Variants in ZNF208 observed in about 807,000 individuals in gnomAD.
ZNF208 encodes zinc finger protein 208.
In ZNF208, 10 loss-of-function variants were observed where a neutral mutation model predicts 12.1. That is an observed-to-expected ratio of 0.83 (90% CI 0.51 to 1.40). The LOEUF (loss-of-function observed/expected upper bound fraction) is 1.40. Ranked by LOEUF, ZNF208 falls within the 40% of genes most tolerant of loss-of-function variation. ZNF208 has a pLI of 0.00. For missense variants in ZNF208, 1,652 were observed against 1,485.0 expected (o/e 1.11, Z -1.85); for synonymous variants, 497 against 488.4 (o/e 1.02, Z -0.23).
chr19:21,997,213 G>C (rs73930364), intron 1 of ZNF208, among the ~76,000 whole-genome samples: 4 of 152,180 alleles, frequency 2.6e-5, no homozygotes, highest in Admixed American at 2.0e-4. Context: ...GAAAGACAGT[G>C]ACCATAATTT....
rs191099790 is a variant in ZNF208 at position 21,958,287 on chromosome 19, C to T, written c.305+16442G>A. 3.1e-3 allele frequency among the ~76,000 whole-genome samples: 474 copies of T among 152,172 alleles called. 4 individuals carry two copies. The highest frequency in any genetic ancestry group is 0.011 in the African/African-American group (441 of 41,520). Reference sequence around the variant, plus strand: ...GTTTTGATGACATTTTAAACCTACCCGGCTTATTCCTGTAAGCCAACCAGC... The same window carrying T: ...GTTTTGATGACATTTTAAACCTACCTGGCTTATTCCTGTAAGCCAACCAGC... On this transcript the variant is annotated intron_variant, in intron 4 of 4. Transcript: ENST00000599916.
rs10419899 is a variant in ZNF208, at chr19:21,974,500, G to A, written c.534C>T (p.Tyr178=). The A allele has an allele frequency of 0.57, 917,294 of 1,613,348 alleles. 264,098 individuals carry two copies. The highest frequency in any genetic ancestry group is 0.67 in the East Asian group (30,216 of 44,846). Residue 178 remains tyrosine, a synonymous_variant, in exon 4 of 4, where the codon TAC becomes TAT. Transcript: ENST00000397126. ...GTGAAAGCATGCAAAATGATCTGAC[G>A]TATTCTTTACATTGCAAATGTTTCT... is the stretch of plus-strand genomic sequence containing the variant. ...TGKKHLQCKE[Y]VRSFCMLSHL... is the part of the protein sequence containing the mutation.
intron 3 of ZNF208, among the ~76,000 whole-genome samples, chr19:21,980,828 GAAGA>G (rs1970524821): frequency 6.6e-6 from 1 of 152,016 alleles, no homozygotes; most frequent in Non-Finnish European, 1.5e-5. Flanking sequence ...GTCTAATAAA[GAAGA>G]AAGGAGAGAA....
chr19:21,955,108 T>C (rs954204821), intron 4 of ZNF208, among the ~76,000 whole-genome samples: 2 of 152,242 alleles, frequency 1.3e-5, no homozygotes, highest in Non-Finnish European at 2.9e-5. Flanking sequence ...TTTGGCTGGA[T>C]ATGAAATTCT....
rs915143092 is a variant in ZNF208 at position 21,966,722 on chromosome 19, C to G, written c.*4469G>C. ...GTTCTGAATTAATTTGCATTCCCACCAACAGTGTAGAAAGATTTCCTTATC... is the reference window on the plus strand; with the variant it reads ...GTTCTGAATTAATTTGCATTCCCACGAACAGTGTAGAAAGATTTCCTTATC... On this transcript the variant is annotated 3_prime_UTR_variant, in exon 4 of 4. Transcript: ENST00000397126. 9 of 152,138 alleles carry G rather than the reference C, an allele frequency of 5.9e-5. No homozygotes were observed. The highest frequency in any genetic ancestry group is 2.2e-4 in the African/African-American group (9 of 41,446). 9.4% of individuals were successfully genotyped at this position (152,138 alleles called of 1,614,324 possible).
intron 3 of ZNF208, among the ~76,000 whole-genome samples, chr19:21,986,181 T>A (rs926905338): frequency 6.6e-6 from 1 of 152,104 alleles, no homozygotes; most frequent in African/African-American, 2.4e-5. Flanking sequence ...GGAAGAAAAA[T>A]TAGTCAAAAA....
At chr19:21,958,308 C>G (rs200742075) in intron 4 of ZNF208, among the ~76,000 whole-genome samples, 1 of 152,116 alleles carries the variant, frequency 6.6e-6, no homozygotes, top group Non-Finnish European at 1.5e-5. Context: ...TGTAAGCCAA[C>G]CAGCAATCTC....
At chr19:21,994,757 C>T (rs1190033475) in intron 1 of ZNF208, among the ~76,000 whole-genome samples, 2 of 151,798 alleles carry the variant, frequency 1.3e-5, no homozygotes, top group Admixed American at 6.6e-5. Flanking sequence ...ATGACTCTTC[C>T]GTTTATAAGT....
At chr19:21,979,996 G>A (rs1341255550) in intron 3 of ZNF208, among the ~76,000 whole-genome samples, 2 of 151,990 alleles carry the variant, frequency 1.3e-5, no homozygotes, top group Non-Finnish European at 2.9e-5. Flanking sequence ...TTACATAATG[G>A]TAAAGGGATC....
rs1376534063 is a variant in ZNF208 at position 21,960,679 on chromosome 19, A to G, written c.305+14050T>C. ...ATCCTGAATGTCAAGAACATCCTGA[A>G]TGAGACCAGTCAGTATATTGTAGCT... On this transcript the variant is annotated intron_variant, in intron 4 of 4. Coordinates refer to the ZNF208 transcript ENST00000599916. 8.5e-5 allele frequency among the ~76,000 whole-genome samples: 13 copies of G among 152,304 alleles called. No homozygotes were observed. The East Asian group carries it at 2.5e-3, about 29-fold the overall frequency.
chr19:21,944,635 T>C (rs1419925995), intron 4 of ZNF208, among the ~76,000 whole-genome samples: 3 of 152,190 alleles, frequency 2.0e-5, no homozygotes, highest in Admixed American at 2.0e-4. Context: ...GGATTTTTAG[T>C]TAATAATGAA....
intron 4 of ZNF208, among the ~76,000 whole-genome samples, chr19:21,952,058 T>C (rs1969897561): frequency 6.6e-6 from 1 of 152,168 alleles, no homozygotes; most frequent in Non-Finnish European, 1.5e-5. Flanking sequence ...AGCACAGCAG[T>C]CTAAGATCAG....
At chr19:21,998,169 T>C (rs1970875641) in intron 1 of ZNF208, 1 of 149,324 alleles carries the variant, frequency 6.7e-6, no homozygotes, top group Non-Finnish European at 1.5e-5. Context: ...TTTTTTTTTT[T>C]TTTTGGACAG....
intron 1 of ZNF208, among the ~76,000 whole-genome samples, chr19:21,990,695 C>T (rs920916446): frequency 4.6e-5 from 7 of 151,824 alleles, no homozygotes; most frequent in Admixed American, 1.3e-4. Flanking sequence ...TATAAAATAC[C>T]TAGTATGGCC....
chr19:21,956,971 T>A (rs978081354), intron 4 of ZNF208, among the ~76,000 whole-genome samples: 17 of 152,214 alleles, frequency 1.1e-4, no homozygotes, highest in African/African-American at 3.9e-4. Flanking sequence ...GGGACTTCTA[T>A]CAACTAGTTA....
At chr19:21,985,288 A>G (rs1443261899) in intron 3 of ZNF208, among the ~76,000 whole-genome samples, 1 of 152,196 alleles carries the variant, frequency 6.6e-6, no homozygotes, top group Non-Finnish European at 1.5e-5. Context: ...AAATATCTTA[A>G]TGAGGGAACC....
Position 22,006,115 on chromosome 19 carries a change from T to C in ZNF208, c.3+4677A>G, listed in dbSNP as rs1236840709. Among the ~76,000 whole-genome samples, 3 of 152,196 alleles carry C rather than the reference T, an allele frequency of 2.0e-5. No homozygotes were observed. The East Asian group carries it at 5.8e-4, about 29-fold the overall frequency. ...GAGCTACTCTCAGTCCGAGCCACCA[T>C]ACAACCTCATTTTATGCTACTGCAG... On this transcript the variant is annotated intron_variant, in intron 1 of 3. Coordinates refer to ENST00000397126, the MANE Select transcript of ZNF208 (RefSeq NM_007153.3).
chr19:21,977,224 T>C (rs1421443690), intron 3 of ZNF208, among the ~76,000 whole-genome samples: 1 of 152,128 alleles, frequency 6.6e-6, no homozygotes, highest in African/African-American at 2.4e-5. Flanking sequence ...AGCAATACAA[T>C]TATAGTAGGA....
chr19:21,976,771 G>C (rs930670948), intron 3 of ZNF208, among the ~76,000 whole-genome samples: 3 of 152,110 alleles, frequency 2.0e-5, no homozygotes, highest in Non-Finnish European at 2.9e-5. Context: ...ATGTTGGCCA[G>C]GCTGGTCTTG....
Sources: allele counts gnomAD v4.1 joint callset (sites outside exome capture counted in the v4.1 genomes callset), GRCh38; gene constraint gnomAD v4.1.1; transcripts MANE v1.5; gene names NCBI Gene and HGNC (gene_info 2026-07-23, HGNC 2026-07-21).